The following FREM3 variants were observed in gnomAD, a reference collection of about 807,000 sequenced individuals.
FREM3 encodes FRAS1-related extracellular matrix protein 3.
A neutral mutation model predicts 129.1 loss-of-function variants in FREM3; 105 were observed. The observed-to-expected ratio is 0.81, with a 90% CI of 0.69 to 0.96. FREM3 has a LOEUF of 0.96. Ranked by LOEUF, FREM3 falls within the 40% of genes least tolerant of loss-of-function variation. The pLI, the probability that FREM3 is intolerant of heterozygous loss-of-function variation, is 0.00. For missense variants in FREM3, 2,593 were observed against 2,666.3 expected, an observed-to-expected ratio of 0.97 and a Z score of 0.61; for synonymous variants, 1,014 against 1,044.9, an observed-to-expected ratio of 0.97 and a Z score of 0.57.
intron 2 of FREM3, among the ~76,000 whole-genome samples, chr4:143,683,570 C>T (rs1186254332): frequency 6.6e-6 from 1 of 151,732 alleles, no homozygotes; most frequent in Non-Finnish European, 1.5e-5. Context: ...TCACAGGGAT[C>T]CAACGGGAGA....
chr4:143,677,968 G>A (rs1193111631), intron 2 of FREM3, among the ~76,000 whole-genome samples: 1 of 152,218 alleles, frequency 6.6e-6, no homozygotes, highest in African/African-American at 2.4e-5. Context: ...CAACCATTGT[G>A]GAAGTCAGTG....
chr4:143,586,061 T>G, intron 6 of FREM3, 68 bp from the exon 7 acceptor site: 8 of 1,429,568 alleles, frequency 5.6e-6, no homozygotes, highest in Non-Finnish European at 7.6e-6. Flanking sequence ...CCTTTGGCCC[T>G]GTGTGAGCCT....
chr4:143,666,874 A>G (rs542470236), intron 2 of FREM3, among the ~76,000 whole-genome samples: 2 of 152,318 alleles, frequency 1.3e-5, no homozygotes, highest in African/African-American at 4.8e-5. Context: ...TACAAAATTT[A>G]TGTTATATAT....
intron 2 of FREM3, among the ~76,000 whole-genome samples, chr4:143,640,681 A>G (rs1287766540): frequency 6.6e-6 from 1 of 152,156 alleles, no homozygotes. Context: ...AAAAGAAAGA[A>G]TTTTAGTAAT....
chr4:143,689,221 A>G (rs891234187), intron 2 of FREM3, among the ~76,000 whole-genome samples: 2 of 152,174 alleles, frequency 1.3e-5, no homozygotes, highest in Admixed American at 6.5e-5. Flanking sequence ...GCTTAAGGAC[A>G]TGAATAGACA....
At position 143,696,701 on chromosome 4, in the gene FREM3, G is replaced by A. The variant is rs1477116984; in HGVS notation, c.3975C>T (p.Ile1325=). ...LKVEKGHSEI[I]TNRILKATDL... The stretch of plus-strand genomic sequence containing the variant: ...CTGTGGCCTTGAGGATCCGATTTGT[G>A]ATGATCTCAGAGTGTCCTTTCTCTA... Residue 1325 remains isoleucine, a synonymous_variant, in exon 1 of 8, where the codon ATC becomes ATT. Coordinates refer to ENST00000329798, the MANE Select transcript of FREM3 (RefSeq NM_001168235.2). 2.6e-6 allele frequency: 4 copies of A among 1,537,772 alleles called. No homozygotes were observed. The highest frequency in any genetic ancestry group is 3.5e-6 in the Non-Finnish European group (4 of 1,147,074).
chr4:143,675,734 A>T (rs1049576935), intron 2 of FREM3, among the ~76,000 whole-genome samples: 1 of 152,230 alleles, frequency 6.6e-6, no homozygotes, highest in Non-Finnish European at 1.5e-5. Flanking sequence ...ACAGAAATAC[A>T]AACTACCATC....
At position 143,700,319 on chromosome 4, in the gene FREM3, G is replaced by A. The variant is rs923742920; in HGVS notation, c.357C>T (p.Phe119=). The A allele has an allele frequency of 6.5e-6, 10 of 1,535,100 alleles. No homozygotes were observed. In the Admixed American group the frequency reaches 2.0e-4, roughly 30 times the overall value. The change falls in exon 1 of 8, where the codon TTC becomes TTT. Residue 119 remains phenylalanine, a synonymous_variant. Coordinates refer to ENST00000329798, the MANE Select transcript of FREM3 (RefSeq NM_001168235.2). ...ALSPRRFPCT[F]GPRQVQYTHF... ...GAGTGTACTGGACTTGGCGGGGCCC[G>A]AAGGTGCAGGGGAAGCGGCGCGGGG...
At chr4:143,597,263 C>T (rs965856929) in intron 6 of FREM3, among the ~76,000 whole-genome samples, 29 of 152,210 alleles carry the variant, frequency 1.9e-4, no homozygotes, top group African/African-American at 6.0e-4. Context: ...CAATGTCAAA[C>T]GCAGCGAGCA....
chr4:143,586,533 A>T lies in FREM3; in HGVS notation c.6029-540T>A, dbSNP rs559788850. On this transcript the variant is annotated intron_variant, in intron 6 of 7. Coordinates refer to ENST00000329798, the MANE Select transcript of FREM3 (RefSeq NM_001168235.2). The stretch of plus-strand genomic sequence containing the variant: ...GGGAGGAGAGATCCTGTTAGCTGAG[A>T]TGCCAGAAGCGCTTCCCCAGGAGAC... Among the ~76,000 whole-genome samples the T allele has an allele frequency of 2.0e-5, 3 of 152,264 alleles. No individual in the cohort carries two copies. In the East Asian group the frequency reaches 5.8e-4, roughly 29 times the overall value.
At chr4:143,675,988 C>T (rs1436274261) in intron 2 of FREM3, among the ~76,000 whole-genome samples, 1 of 152,180 alleles carries the variant, frequency 6.6e-6, no homozygotes, top group Non-Finnish European at 1.5e-5. Context: ...ACCATTCCTT[C>T]TGAAACTATT....
intron 2 of FREM3, among the ~76,000 whole-genome samples, chr4:143,670,279 G>A (rs1739943895): frequency 6.6e-6 from 1 of 152,024 alleles, no homozygotes; most frequent in African/African-American, 2.4e-5. Flanking sequence ...GAAAAATGAA[G>A]TATTTTACTT....
At chr4:143,645,880 T>G (rs1239587154) in intron 2 of FREM3, among the ~76,000 whole-genome samples, 1 of 152,258 alleles carries the variant, frequency 6.6e-6, no homozygotes, top group Non-Finnish European at 1.5e-5. Flanking sequence ...ACAGGCATCT[T>G]ACAAAATCTC....
At chr4:143,588,169 C>A (rs1187077562) in intron 6 of FREM3, among the ~76,000 whole-genome samples, 1 of 152,142 alleles carries the variant, frequency 6.6e-6, no homozygotes, top group African/African-American at 2.4e-5. Flanking sequence ...CTCCTTCGAG[C>A]CCCCTCTCTT....
At chr4:143,660,350 C>G (rs1009902362) in intron 2 of FREM3, among the ~76,000 whole-genome samples, 9 of 152,182 alleles carry the variant, frequency 5.9e-5, no homozygotes, top group African/African-American at 1.9e-4. Context: ...AATCCTTTCC[C>G]CATTTCTTGT....
In FREM3 at chr4:143,611,419, GTCT is replaced by G; in HGVS notation, c.5885_5887del (p.Lys1962del). 6.5e-7 allele frequency: 1 copy of G among 1,537,190 alleles called. No individual in the cohort carries two copies. The highest frequency in any genetic ancestry group is 1.4e-5 in the African/African-American group (1 of 73,156). On this transcript the variant is annotated inframe_deletion, in exon 6 of 8. Transcript: ENST00000329798. ...GTCATCAATGATCAGGACCTGGCAG[GTCT>G]TCTGTGTCTCATTCTTGTCAAAGTG... is the stretch of plus-strand genomic sequence containing the variant.
intron 1 of FREM3, among the ~76,000 whole-genome samples, chr4:143,694,101 A>G (rs1169928920): frequency 6.6e-6 from 1 of 152,206 alleles, no homozygotes; most frequent in South Asian, 2.1e-4. Context: ...CCAGCATGAC[A>G]TGAGTTTAAG....
rs77303907 is a variant in FREM3, at chr4:143,654,588, A to G, written c.5276-26828T>C. On this transcript the variant is annotated intron_variant, in intron 2 of 7. Coordinates refer to ENST00000329798, the MANE Select transcript of FREM3 (RefSeq NM_001168235.2). ...GGGGAAAATGATTGTTGGTAAGAAT[A>G]AAAAGAAGCACTAAACTAGGATGAA... Among the ~76,000 whole-genome samples the G allele has an allele frequency of 7.5e-3, 1,138 of 152,354 alleles. 10 individuals carry two copies. Among genetic ancestry groups the G allele is most frequent in the African/African-American group, 0.026 (1,066 of 41,570 alleles).
chr4:143,690,947 G>A (rs766013861), intron 2 of FREM3, among the ~76,000 whole-genome samples: 9 of 152,070 alleles, frequency 5.9e-5, no homozygotes, highest in East Asian at 1.9e-4. Flanking sequence ...CCTAGAGTTC[G>A]AGGTTGCAGT....
Sources: gnomAD v4.1 joint callset for allele counts (sites outside exome capture counted in the v4.1 genomes callset) on GRCh38, gnomAD v4.1.1 for gene constraint, MANE v1.5 for transcripts, NCBI Gene and HGNC (gene_info 2026-07-23, HGNC 2026-07-21) for gene names.